The following AK7 variants were observed in gnomAD, a reference collection of about 807,000 sequenced individuals.
AK7 encodes ATP-AMP transphosphorylase 7.
In AK7, 78 loss-of-function variants were observed where a neutral mutation model predicts 96.6. The ratio of observed to expected loss-of-function variants is 0.81; its 90% CI spans 0.67 to 0.97. The LOEUF (loss-of-function observed/expected upper bound fraction) is 0.97. AK7 is among the 50% of genes least tolerant of loss of function. AK7 has a pLI of 0.00. For missense variants in AK7, 855 were observed against 887.9 expected, an observed-to-expected ratio of 0.96 and a Z score of 0.47; for synonymous variants, 302 against 317.2, an observed-to-expected ratio of 0.95 and a Z score of 0.51.
chr14:96,397,992 A>T (rs1399455773), intron 1 of AK7, 83 bp from the exon 2 acceptor site: 1 of 1,412,228 alleles, frequency 7.1e-7, no homozygotes, highest in East Asian at 2.3e-5. Context: ...CACTCGGGAA[A>T]GGTAAGTTTC....
intron 1 of AK7, among the ~76,000 whole-genome samples, chr14:96,392,850 G>A (rs1018392597): frequency 6.6e-6 from 1 of 152,102 alleles, no homozygotes; most frequent in Non-Finnish European, 1.5e-5. Context: ...TTTTAGCAGA[G>A]ACGGGGTTTC....
chr14:96,449,922 A>G (rs750560356), intron 9 of AK7, 43 bp downstream of exon 9: 14 of 1,353,118 alleles, frequency 1.0e-5, no homozygotes, highest in African/African-American at 1.5e-5. Context: ...TATCTTTCTC[A>G]ATAATATGGA....
chr14:96,457,543 G>A (rs1433737596), intron 11 of AK7, among the ~76,000 whole-genome samples: 4 of 152,242 alleles, frequency 2.6e-5, no homozygotes, highest in East Asian at 3.9e-4. Flanking sequence ...CCTCTGAGAC[G>A]GAAGCAGCTT....
At chr14:96,421,253 G>A (rs914129837) in intron 5 of AK7, among the ~76,000 whole-genome samples, 2 of 152,142 alleles carry the variant, frequency 1.3e-5, no homozygotes, top group Non-Finnish European at 2.9e-5. Context: ...TATCTCATTT[G>A]TTTCTTAAAA....
At chr14:96,451,259 T>C (rs1893584988) in intron 9 of AK7, among the ~76,000 whole-genome samples, 162 bp from the exon 10 acceptor site, 1 of 152,360 alleles carries the variant, frequency 6.6e-6, no homozygotes, top group Middle Eastern at 3.4e-3. Context: ...AGTAACGTAG[T>C]ATCACACAGA....
chr14:96,429,198 G>A (rs1423623582), intron 5 of AK7, among the ~76,000 whole-genome samples: 1 of 152,150 alleles, frequency 6.6e-6, no homozygotes, highest in Non-Finnish European at 1.5e-5. Flanking sequence ...AGTTTTCCCA[G>A]CACTGTTTAT....
At chr14:96,472,855 G>A in intron 14 of AK7, 100 bp downstream of exon 14, 6 of 904,888 alleles carry the variant, frequency 6.6e-6, no homozygotes, top group South Asian at 1.4e-5. Flanking sequence ...GCCAAGGCGG[G>A]TGGATCACCT....
At chr14:96,429,739 T>C (rs1892238162) in intron 5 of AK7, among the ~76,000 whole-genome samples, 1 of 152,216 alleles carries the variant, frequency 6.6e-6, no homozygotes, top group Non-Finnish European at 1.5e-5. Context: ...AAATGAGAGT[T>C]CACTCATGAT....
intron 6 of AK7, among the ~76,000 whole-genome samples, chr14:96,440,216 C>T (rs1189007634): frequency 3.9e-5 from 6 of 152,096 alleles, no homozygotes; most frequent in East Asian, 1.9e-4. Flanking sequence ...CTTCGTGATC[C>T]GCCCGCCTCA....
intron 5 of AK7, among the ~76,000 whole-genome samples, chr14:96,431,194 C>A (rs994979755): frequency 6.6e-6 from 1 of 152,006 alleles, no homozygotes; most frequent in Non-Finnish European, 1.5e-5. Flanking sequence ...TTTTGTTGAT[C>A]TTTTCAAAAA....
intron 15 of AK7, 101 bp from the exon 16 acceptor site, chr14:96,482,898 A>T: frequency 1.7e-6 from 2 of 1,157,254 alleles, no homozygotes; most frequent in Non-Finnish European, 2.5e-6. Context: ...GTGGTAATTT[A>T]CATAATTGAC....
At chr14:96,438,818 G>T (rs1364412836) in intron 6 of AK7, among the ~76,000 whole-genome samples, 2 of 152,188 alleles carry the variant, frequency 1.3e-5, no homozygotes, top group African/African-American at 4.8e-5. Flanking sequence ...CCAGTGAGCA[G>T]GGTAGTGCCT....
At chr14:96,424,240 G>C (rs941947231) in intron 5 of AK7, 3 of 439,102 alleles carry the variant, frequency 6.8e-6, no homozygotes, top group African/African-American at 6.5e-5. Context: ...GGAGCGCGCA[G>C]CCGGGAGTGC....
chr14:96,446,233 A>G (rs958752008), intron 7 of AK7, among the ~76,000 whole-genome samples: 32 of 152,180 alleles, frequency 2.1e-4, no homozygotes, highest in African/African-American at 7.2e-4. Context: ...GCAGTATGCT[A>G]GAAAGAAGAC....
chr14:96,425,665 G>A (rs1347130553), intron 5 of AK7, among the ~76,000 whole-genome samples: 6 of 151,918 alleles, frequency 3.9e-5, no homozygotes, highest in African/African-American at 1.5e-4. Context: ...GTATTTTTTA[G>A]TAGAGACAGG....
chr14:96,408,774 C>T, intron 3 of AK7, 73 bp from the exon 4 acceptor site: 1 of 1,402,994 alleles, frequency 7.1e-7, no homozygotes, highest in Non-Finnish European at 1.0e-6. Flanking sequence ...CTACTGGTGA[C>T]TAATAGTACA....
chr14:96,407,966 TG>T (rs1297976804), intron 3 of AK7, among the ~76,000 whole-genome samples: 1 of 152,196 alleles, frequency 6.6e-6, no homozygotes, highest in East Asian at 1.9e-4. Flanking sequence ...AATGCTTAAA[TG>T]TGTAGAGAGC....
chr14:96,461,827 C>T (rs926291721), intron 12 of AK7, among the ~76,000 whole-genome samples: 1 of 152,194 alleles, frequency 6.6e-6, no homozygotes, highest in African/African-American at 2.4e-5. Context: ...CTCAAGTGAT[C>T]TGCCTGCCTT....
At chr14:96,469,800 GGTGTTTT>G (rs1386279507) in intron 12 of AK7, among the ~76,000 whole-genome samples, 1 of 151,976 alleles carries the variant, frequency 6.6e-6, no homozygotes, top group Non-Finnish European at 1.5e-5. Flanking sequence ...AGAAAGGAGA[GGTGTTTT>G]GTGTTTTGTT....
Sources: allele counts gnomAD v4.1 joint callset (sites outside exome capture counted in the v4.1 genomes callset), GRCh38; gene constraint gnomAD v4.1.1; transcripts MANE v1.5; gene names NCBI Gene and HGNC (gene_info 2026-07-23, HGNC 2026-07-21).